The following TTC13 variants were observed in gnomAD, a reference collection of about 807,000 sequenced individuals.
TTC13 encodes tetratricopeptide repeat protein 13.
TTC13 carries 62 observed loss-of-function variants against 120.0 expected under a neutral mutation model. The observed-to-expected ratio is 0.52, with a 90% confidence interval of 0.42 to 0.64. The LOEUF is 0.64. TTC13 is among the 30% of genes least tolerant of loss of function. The pLI, the probability that TTC13 is intolerant of heterozygous loss-of-function variation, is 0.00. For missense variants in TTC13, 824 were observed against 1,050.2 expected (o/e 0.78, Z 2.98); for synonymous variants, 384 against 393.5 (o/e 0.98, Z 0.28).
rs1678120872 is a variant in TTC13, at chr1:230,974,900, A to G, written c.271+3660T>C. Among the ~76,000 whole-genome samples the G allele has an allele frequency of 2.0e-5, 3 of 152,272 alleles. No individual in the cohort carries two copies. In the South Asian group the frequency reaches 6.2e-4, roughly 31 times the overall value. Reference sequence around the variant, plus strand: ...GACAAAATTCTAATAGTGATTTAAGAATATAACTTTCAACAAAGCTTGAAG... The same window carrying G: ...GACAAAATTCTAATAGTGATTTAAGGATATAACTTTCAACAAAGCTTGAAG... On this transcript the variant is annotated intron_variant, in intron 1 of 22. Transcript: ENST00000366661.
chr1:230,918,006 G>A (rs1672208533), intron 17 of TTC13, among the ~76,000 whole-genome samples: 1 of 152,144 alleles, frequency 6.6e-6, no homozygotes, highest in Admixed American at 6.5e-5. Flanking sequence ...TTGGACAGTT[G>A]GGAGCCAAGA....
At chr1:230,976,999 T>G (rs559260350) in intron 1 of TTC13, among the ~76,000 whole-genome samples, 4 of 152,324 alleles carry the variant, frequency 2.6e-5, no homozygotes, top group African/African-American at 9.6e-5. Flanking sequence ...AAGTAAATAC[T>G]TCAGATGTGG....
intron 2 of TTC13, among the ~76,000 whole-genome samples, chr1:230,959,470 C>T (rs768200769): frequency 9.8e-5 from 15 of 152,302 alleles, no homozygotes; most frequent in East Asian, 1.9e-4. Context: ...CAACCTCCGC[C>T]GCCTGGGTTC....
chr1:230,930,314 T>G (rs1212913317), intron 11 of TTC13, among the ~76,000 whole-genome samples: 5 of 152,234 alleles, frequency 3.3e-5, no homozygotes, highest in Admixed American at 6.5e-5. Flanking sequence ...TTATACATTA[T>G]TAAAATTAAT....
chr1:230,937,420 C>T (rs1046017956), intron 8 of TTC13, among the ~76,000 whole-genome samples: 3 of 152,104 alleles, frequency 2.0e-5, no homozygotes, highest in African/African-American at 7.2e-5. Context: ...GAGTAGAGTA[C>T]CGAAGTTCTG....
chr1:230,921,987 A>G (rs1672615101), intron 15 of TTC13, among the ~76,000 whole-genome samples: 1 of 152,154 alleles, frequency 6.6e-6, no homozygotes, highest in Non-Finnish European at 1.5e-5. Context: ...ACTCACTCCC[A>G]GAACTCCATG....
chr1:230,908,512 A>G (rs1259917495), intron 22 of TTC13, 200 bp downstream of exon 22: 2 of 584,724 alleles, frequency 3.4e-6, no homozygotes, highest in African/African-American at 3.7e-5. Context: ...TTTTATCCAT[A>G]CATTCACCCT....
In TTC13 at chr1:230,961,441, G is replaced by A. The variant is rs558101305; in HGVS notation, c.272-138C>T. On this transcript the variant is annotated intron_variant, in intron 1 of 22. Transcript: ENST00000366661. ...ATAACACTAAAAGTGGCAACCAGCT[G>A]GGCACAGTGCCTCACACCTGTAATC... 1.3e-5 allele frequency: 8 copies of A among 626,512 alleles called. No homozygotes were observed. In the East Asian group the frequency reaches 2.0e-4, roughly 16 times the overall value. The allele number at this position is 626,512 out of a possible 1,614,324, so 38.8% of individuals were successfully genotyped here. A position where few individuals can be genotyped will look rare whatever the true frequency, so the allele number is the denominator to read the frequency against.
chr1:230,973,384 A>C (rs1677957069), intron 1 of TTC13, among the ~76,000 whole-genome samples: 1 of 152,262 alleles, frequency 6.6e-6, no homozygotes, highest in Admixed American at 6.5e-5. Flanking sequence ...AGCTAGGTTC[A>C]TAGCTACTTC....
At chr1:230,930,144 T>C (rs1673408117) in intron 11 of TTC13, among the ~76,000 whole-genome samples, 1 of 152,200 alleles carries the variant, frequency 6.6e-6, no homozygotes, top group South Asian at 2.1e-4. Flanking sequence ...GTATTTCCAA[T>C]GAAAATTTAA....
chr1:230,921,896 T>C (rs1672608032), intron 15 of TTC13, among the ~76,000 whole-genome samples: 1 of 152,222 alleles, frequency 6.6e-6, no homozygotes, highest in Non-Finnish European at 1.5e-5. Flanking sequence ...GCTCTCTAGC[T>C]CACTAGCAGT....
chr1:230,925,701 T>C (rs1558179950), intron 12 of TTC13, 54 bp from the exon 13 acceptor site: 7 of 1,578,440 alleles, frequency 4.4e-6, no homozygotes, highest in Non-Finnish European at 6.1e-6. Context: ...CATTTGGTAA[T>C]CCAATTCCAC....
chr1:230,918,148 T>C (rs569292832), intron 17 of TTC13, among the ~76,000 whole-genome samples: 2 of 152,352 alleles, frequency 1.3e-5, no homozygotes, highest in Admixed American at 1.3e-4. Context: ...CCAGACTCTG[T>C]TTTGCACTTA....
At chr1:230,965,431 C>T (rs958330889) in intron 1 of TTC13, among the ~76,000 whole-genome samples, 1 of 152,160 alleles carries the variant, frequency 6.6e-6, no homozygotes, top group South Asian at 2.1e-4. Context: ...TATCATCTCA[C>T]CCCAGTTAAA....
At chr1:230,924,018 T>C (rs904489720) in intron 14 of TTC13, 85 bp from the exon 15 acceptor site, 2 of 983,614 alleles carry the variant, frequency 2.0e-6, no homozygotes, top group African/African-American at 1.6e-5. Flanking sequence ...AAGGTGGGGA[T>C]AAAGCAACAG....
intron 1 of TTC13, among the ~76,000 whole-genome samples, chr1:230,973,415 C>T (rs1318871087): frequency 1.3e-5 from 2 of 152,200 alleles, no homozygotes; most frequent in Non-Finnish European, 2.9e-5. Context: ...TGGCAGTTCA[C>T]AATTCTCAAA....
At chr1:230,953,100 T>TA (rs1675743678) in intron 4 of TTC13, among the ~76,000 whole-genome samples, 1 of 152,196 alleles carries the variant, frequency 6.6e-6, no homozygotes, top group African/African-American at 2.4e-5. Flanking sequence ...AGTGTTTGCT[T>TA]ACCTTTTATA....
intron 15 of TTC13, among the ~76,000 whole-genome samples, chr1:230,922,917 G>C (rs1672717805): frequency 6.6e-6 from 1 of 152,158 alleles, no homozygotes; most frequent in Admixed American, 6.5e-5. Context: ...TTCGATTAAA[G>C]TTAGTTGCTT....
At chr1:230,914,672 C>T (rs1181189074) in intron 18 of TTC13, among the ~76,000 whole-genome samples, 3 of 152,134 alleles carry the variant, frequency 2.0e-5, no homozygotes, top group Admixed American at 1.3e-4. Flanking sequence ...GGATTACAGG[C>T]GTGAGCCACT....
Sources: gnomAD v4.1 joint callset for allele counts (sites outside exome capture counted in the v4.1 genomes callset) on GRCh38, gnomAD v4.1.1 for gene constraint, MANE v1.5 for transcripts, NCBI Gene and HGNC (gene_info 2026-07-23, HGNC 2026-07-21) for gene names.